Variants in NTRK2 observed in about 807,000 individuals in gnomAD.
NTRK2 encodes neurotrophic receptor tyrosine kinase 2, also known as BDNF/NT-3 growth factors receptor.
NTRK2 carries 13 observed loss-of-function variants against 94.5 expected under a neutral mutation model. The observed-to-expected ratio is 0.14, with a 90% CI of 0.09 to 0.22. The LOEUF (loss-of-function observed/expected upper bound fraction) is 0.22, where lower values mean the gene tolerates loss of function less well. Ranked by LOEUF, NTRK2 falls within the 10% of genes least tolerant of loss-of-function variation. The pLI, the probability that NTRK2 is intolerant of heterozygous loss-of-function variation, is 1.00. For synonymous variants in NTRK2, 372 were observed against 407.4 expected, an observed-to-expected ratio of 0.91 and a Z score of 1.05; for missense variants, 639 against 1,071.2, an observed-to-expected ratio of 0.60 and a Z score of 5.63.
At chr9:84,780,170 T>G (rs2067431056) in intron 12 of NTRK2, among the ~76,000 whole-genome samples, 1 of 152,136 alleles carries the variant, frequency 6.6e-6, no homozygotes, top group Admixed American at 6.5e-5. Flanking sequence ...GCTATCCCCT[T>G]AAAACAGTTG....
intron 12 of NTRK2, among the ~76,000 whole-genome samples, chr9:84,856,776 T>G (rs2075086445): frequency 6.6e-6 from 1 of 152,220 alleles, no homozygotes; most frequent in Admixed American, 6.5e-5. Context: ...TGGTGAGTCT[T>G]ACCTTAAAAC....
chr9:84,908,499 T>C (rs918541935), intron 14 of NTRK2, among the ~76,000 whole-genome samples: 6 of 152,206 alleles, frequency 3.9e-5, no homozygotes, highest in African/African-American at 1.4e-4. Context: ...AATGATGGCA[T>C]TAATTTACTT....
chr9:84,925,740 C>T (rs1201833068), intron 14 of NTRK2, among the ~76,000 whole-genome samples: 1 of 152,180 alleles, frequency 6.6e-6, no homozygotes, highest in Non-Finnish European at 1.5e-5. Flanking sequence ...GTACCAGCCT[C>T]TGTGAGGACA....
chr9:84,894,162 T>TGGGGG (rs2076685285), intron 14 of NTRK2, among the ~76,000 whole-genome samples: 2 of 5,032 alleles, frequency 4.0e-4, no homozygotes, highest in Non-Finnish European at 8.1e-4. Context: ...ACTTGACTAT[T>TGGGGG]TGGGAGAATA....
chr9:84,966,771 C>T (rs1417108828), intron 17 of NTRK2, among the ~76,000 whole-genome samples: 1 of 152,182 alleles, frequency 6.6e-6, no homozygotes, highest in African/African-American at 2.4e-5. Flanking sequence ...GGTAGACTTA[C>T]AGAAAGTAGA....
chr9:84,953,438 C>G (rs1012803381), intron 16 of NTRK2, among the ~76,000 whole-genome samples: 1 of 152,186 alleles, frequency 6.6e-6, no homozygotes, highest in African/African-American at 2.4e-5. Flanking sequence ...GAAACAGGCC[C>G]AGAGAGGTTA....
chr9:84,827,310 C>T (rs2073250196), intron 12 of NTRK2, among the ~76,000 whole-genome samples: 1 of 152,212 alleles, frequency 6.6e-6, no homozygotes, highest in Non-Finnish European at 1.5e-5. Flanking sequence ...CTGATACTCA[C>T]TCGTTCATTC....
intron 12 of NTRK2, among the ~76,000 whole-genome samples, chr9:84,802,257 AGC>A (rs2070568085): frequency 6.6e-6 from 1 of 152,202 alleles, no homozygotes; most frequent in Admixed American, 6.5e-5. Context: ...GGAATGCCTT[AGC>A]TGGCCCTCCA....
At position 84,670,920 on chromosome 9, in the gene NTRK2, T is replaced by C. The variant is rs138465789; in HGVS notation, c.172T>C (p.Leu58=). 10 of 1,609,246 alleles carry C rather than the reference T, an allele frequency of 6.2e-6. No individual in the cohort carries two copies. Among genetic ancestry groups the C allele is most frequent in the African/African-American group, 2.7e-5 (2 of 74,926 alleles). Residue 58 remains leucine, a synonymous_variant, in exon 2 of 19, where the codon TTG becomes CTG. Coordinates refer to ENST00000277120, the MANE Select transcript of NTRK2 (RefSeq NM_006180.6). The part of the protein sequence containing the change: ...PSPGIVAFPR[L]EPNSVDPENI... ...TCCTGGCATCGTGGCATTTCCGAGA[T>C]TGGAGCCTAACAGTGTAGATCCTGA...
At chr9:84,986,854 A>G (rs895034303) in intron 17 of NTRK2, among the ~76,000 whole-genome samples, 3 of 152,266 alleles carry the variant, frequency 2.0e-5, no homozygotes, top group Admixed American at 2.0e-4. Context: ...AAAGGTAATT[A>G]TAATTTAACT....
chr9:84,845,272 C>T (rs1395539282), intron 12 of NTRK2, among the ~76,000 whole-genome samples: 1 of 151,962 alleles, frequency 6.6e-6, no homozygotes, highest in Non-Finnish European at 1.5e-5. Flanking sequence ...CACACACACA[C>T]ACACACACAC....
At chr9:84,904,119 C>T (rs944742102) in intron 14 of NTRK2, among the ~76,000 whole-genome samples, 1 of 152,176 alleles carries the variant, frequency 6.6e-6, no homozygotes, top group African/African-American at 2.4e-5. Context: ...ACTAAGAATT[C>T]ATGAATTTTA....
intron 17 of NTRK2, among the ~76,000 whole-genome samples, chr9:84,974,059 GT>G (rs5898878): frequency 1 from 151,805 of 152,314 alleles, 75,648 homozygotes; most frequent in Middle Eastern, 1. Flanking sequence ...ATCTTTTTCT[GT>G]TCTTTTCTCT....
chr9:84,853,704 AC>A (rs1197181681), intron 12 of NTRK2, among the ~76,000 whole-genome samples: 1 of 152,084 alleles, frequency 6.6e-6, no homozygotes, highest in African/African-American at 2.4e-5. Flanking sequence ...TGTTGGCGTC[AC>A]CCCCTGCCCG....
chr9:84,942,283 A>G (rs1159164092), intron 15 of NTRK2, among the ~76,000 whole-genome samples: 1 of 152,182 alleles, frequency 6.6e-6, no homozygotes, highest in African/African-American at 2.4e-5. Context: ...ACACTCCTCC[A>G]AAGCTGAATT....
intron 12 of NTRK2, among the ~76,000 whole-genome samples, chr9:84,809,537 G>T (rs2071513780): frequency 6.6e-6 from 1 of 150,944 alleles, no homozygotes; most frequent in Non-Finnish European, 1.5e-5. Flanking sequence ...TCATATATTT[G>T]CTATAATACT....
intron 9 of NTRK2, among the ~76,000 whole-genome samples, chr9:84,740,798 C>T (rs753632396): frequency 9.9e-5 from 15 of 152,156 alleles, no homozygotes; most frequent in Non-Finnish European, 1.6e-4. Context: ...AACACTGGGG[C>T]CACTTTTATT....
chr9:84,729,634 C>T (rs1054079786), intron 9 of NTRK2, among the ~76,000 whole-genome samples: 1 of 152,212 alleles, frequency 6.6e-6, no homozygotes, highest in Non-Finnish European at 1.5e-5. Flanking sequence ...TAATATCTTA[C>T]ATTACTTTGG....
intron 12 of NTRK2, among the ~76,000 whole-genome samples, chr9:84,762,756 C>T (rs978259702): frequency 2.0e-5 from 3 of 152,168 alleles, no homozygotes; most frequent in African/African-American, 4.8e-5. Context: ...AATTAATCTC[C>T]TACCACTCTG....
Sources: allele counts gnomAD v4.1 joint callset (sites outside exome capture counted in the v4.1 genomes callset), GRCh38; gene constraint gnomAD v4.1.1; transcripts MANE v1.5; gene names NCBI Gene and HGNC (gene_info 2026-07-23, HGNC 2026-07-21).